The following NUMA1 variants were observed in gnomAD, a reference collection of about 807,000 sequenced individuals.
The protein encoded by NUMA1 is SP-H antigen.
Under a neutral mutation model 237.1 loss-of-function variants are expected in NUMA1, and 62 were observed. That is an observed-to-expected ratio of 0.26 (90% CI 0.21 to 0.32). The LOEUF (loss-of-function observed/expected upper bound fraction) is 0.32. NUMA1 is among the 10% of genes least tolerant of loss of function. The probability of loss-of-function intolerance (pLI) is 1.00; values close to 1 mark genes in which losing one functional copy is unlikely to be tolerated. For missense variants in NUMA1, 2,533 were observed against 2,666.5 expected, an observed-to-expected ratio of 0.95 and a Z score of 1.10; for synonymous variants, 1,028 against 1,066.1, an observed-to-expected ratio of 0.96 and a Z score of 0.70.
At chr11:72,025,703 A>G (rs1270759096) in intron 4 of NUMA1, among the ~76,000 whole-genome samples, 2 of 152,200 alleles carry the variant, frequency 1.3e-5, no homozygotes, top group Admixed American at 1.3e-4. Flanking sequence ...GACATCCTGC[A>G]AGCATAAGCA....
chr11:72,037,518 T>TA (rs1221382894), intron 2 of NUMA1, among the ~76,000 whole-genome samples: 8 of 150,618 alleles, frequency 5.3e-5, no homozygotes, highest in South Asian at 2.1e-4. Context: ...AAAAAAATAA[T>TA]AAAAAAAAAG....
At chr11:72,024,390 GC>G in intron 4 of NUMA1, 37 bp from the exon 5 acceptor site, 1 of 1,575,776 alleles carries the variant, frequency 6.3e-7, no homozygotes, top group Non-Finnish European at 8.7e-7. Flanking sequence ...AGAGTATTCA[GC>G]AATCTTTGCC....
rs1462878121 is a variant in NUMA1 at position 72,009,328 on chromosome 11, C to G, written c.4779G>C (p.Leu1593=). Residue 1593 remains leucine, a synonymous_variant, in exon 18 of 27, where the codon CTG becomes CTC. Transcript: ENST00000393695. ...GGCTCAACTGGGCTTGCAGTTCATT[C>G]AGCTGGGCCTGGAGGCGCTGGGCCT... ...QQEAQRLQAQ[L]NELQAQLSQK... The G allele has an allele frequency of 1.2e-6, 2 of 1,613,472 alleles. No individual in the cohort carries two copies. The highest frequency in any genetic ancestry group is 3.3e-5 in the Admixed American group (2 of 60,016).
chr11:72,015,526 A>T lies in NUMA1; in HGVS notation c.1977T>A (p.Val659=), dbSNP rs1956470694. Residue 659 remains valine, a synonymous_variant, in exon 15 of 27, where the codon GTT becomes GTA. Coordinates refer to ENST00000393695, the MANE Select transcript of NUMA1 (RefSeq NM_006185.4). The surrounding 1 kb of genome is among the most constrained non-coding windows in gnomAD (Gnocchi z 4.0). ...SRKVEELQAC[V]ETARQEQHEA... is the part of the protein sequence containing the mutation. The stretch of plus-strand genomic sequence containing the variant: ...CATGCTGTTCCTGGCGGGCTGTCTC[A>T]ACACAGGCCTGGAGTTCCTCCACCT... 2 of 1,613,258 alleles carry T rather than the reference A, an allele frequency of 1.2e-6. No individual in the cohort carries two copies. Among genetic ancestry groups the T allele is most frequent in the Non-Finnish European group, 1.7e-6 (2 of 1,180,010 alleles).
At chr11:72,049,584 G>T (rs56088339) in intron 2 of NUMA1, 14 of 12,866 alleles carry the variant, frequency 1.1e-3, no homozygotes, top group South Asian at 2.0e-3. Context: ...TATATATATA[G>T]TGTGTGTGTG....
intron 2 of NUMA1, chr11:72,040,604 C>T (rs1448522406): frequency 2.0e-5 from 3 of 152,438 alleles, no homozygotes; most frequent in Non-Finnish European, 2.9e-5. Context: ...CGTGCACACA[C>T]CCACGGCCTC....
intron 15 of NUMA1, 112 bp downstream of exon 15, chr11:72,012,783 G>A (rs1590892355): frequency 1.4e-6 from 2 of 1,437,764 alleles, no homozygotes; most frequent in Non-Finnish European, 1.9e-6. Flanking sequence ...CAGTGAATGA[G>A]GAAAGGCAAG....
At position 72,016,389 on chromosome 11, in the gene NUMA1, T is replaced by A. The variant is rs527932059; in HGVS notation, c.1242+19A>T. On this transcript the variant is annotated intron_variant, in intron 14 of 26. Coordinates refer to ENST00000393695, the MANE Select transcript of NUMA1 (RefSeq NM_006185.4). ...TCCACACCAACCAGCAGCACACAGG[T>A]CTTTCTGTGCATTCCTACCTGCAAG... 6.4e-5 allele frequency: 103 copies of A among 1,612,734 alleles called. No individual in the cohort carries two copies. The African/African-American group carries it at 1.3e-3, about 20-fold the overall frequency.
intron 26 of NUMA1, 106 bp downstream of exon 26, chr11:72,003,781 C>G (rs1955441360): frequency 1.6e-6 from 2 of 1,244,064 alleles, no homozygotes; most frequent in South Asian, 2.5e-5. Flanking sequence ...CCCACACCCT[C>G]CAGCAGCCTG....
At chr11:72,006,792 C>T (rs764299152) in intron 21 of NUMA1, among the ~76,000 whole-genome samples, 2 of 152,244 alleles carry the variant, frequency 1.3e-5, no homozygotes, top group Non-Finnish European at 2.9e-5. Flanking sequence ...TCCCAAACCT[C>T]CCCTTCAAGA....
chr11:72,042,302 T>C (rs1027513490), intron 2 of NUMA1, among the ~76,000 whole-genome samples: 1 of 152,134 alleles, frequency 6.6e-6, no homozygotes, highest in Non-Finnish European at 1.5e-5. Context: ...GGCACTCCTA[T>C]AGGAAACTGT....
chr11:72,037,263 T>A (rs1315558256), intron 2 of NUMA1, among the ~76,000 whole-genome samples: 4 of 152,216 alleles, frequency 2.6e-5, no homozygotes. Flanking sequence ...CCCAGCACTT[T>A]GAGAGACCAA....
rs552246431 is a variant in NUMA1 at position 72,009,420 on chromosome 11, T to C, written c.4720-33A>G. ...GAAAGGCCACTCAGGAAAGCTGGTC[T>C]GGCCGCTCTACCCAAGTCCGCTTAT... is the stretch of plus-strand genomic sequence containing the variant. On this transcript the variant is annotated intron_variant, in intron 17 of 26. Transcript: ENST00000393695. The C allele has an allele frequency of 1.3e-5, 21 of 1,573,986 alleles. No homozygotes were observed. The African/African-American group carries it at 2.3e-4, about 17-fold the overall frequency.
At position 72,013,795 on chromosome 11, in the gene NUMA1, G is replaced by A. The variant is rs1251656951; in HGVS notation, c.3708C>T (p.Ile1236=). ...LISSLEEEVS[I]LNRQVLEKEG... ...CCTTCTCCAGGACCTGGCGATTCAG[G>A]ATGGACACCTCCTCCTCCAAGCTGC... Residue 1236 remains isoleucine, a synonymous_variant, in exon 15 of 27, where the codon ATC becomes ATT. Coordinates refer to ENST00000393695, the MANE Select transcript of NUMA1 (RefSeq NM_006185.4). The surrounding 1 kb of genome is among the most constrained non-coding windows in gnomAD (Gnocchi z 6.8). The A allele has an allele frequency of 6.2e-7, 1 of 1,610,294 alleles. No homozygotes were observed. Among genetic ancestry groups the A allele is most frequent in the Non-Finnish European group, 8.5e-7 (1 of 1,180,008 alleles).
At chr11:72,061,191 C>G (rs1420471603) in intron 2 of NUMA1, among the ~76,000 whole-genome samples, 1 of 152,194 alleles carries the variant, frequency 6.6e-6, no homozygotes, top group East Asian at 1.9e-4. Flanking sequence ...GAGCTATGAT[C>G]ACACCACGGC....
At chr11:72,009,577 C>T (rs1353154871) in intron 17 of NUMA1, among the ~76,000 whole-genome samples, 190 bp from the exon 18 acceptor site, 1 of 152,274 alleles carries the variant, frequency 6.6e-6, no homozygotes, top group African/African-American at 2.4e-5. Flanking sequence ...ACATGCCCTT[C>T]AGTCCACATC....
At chr11:72,003,705 C>T (rs564399699) in intron 26 of NUMA1, 167 bp from the exon 27 acceptor site, 2 of 1,016,926 alleles carry the variant, frequency 2.0e-6, no homozygotes, top group African/African-American at 1.6e-5. Flanking sequence ...GGGTGCTCTC[C>T]ATGAGAATGG....
intron 2 of NUMA1, among the ~76,000 whole-genome samples, chr11:72,056,114 A>C (rs575284939): frequency 6.6e-6 from 1 of 151,864 alleles, no homozygotes; most frequent in Non-Finnish European, 1.5e-5. Flanking sequence ...ATACCAGTTC[A>C]CTCCAGCCTG....
chr11:72,073,139 G>T (rs1455397813), intron 1 of NUMA1, among the ~76,000 whole-genome samples: 1 of 149,690 alleles, frequency 6.7e-6, no homozygotes, highest in Non-Finnish European at 1.5e-5. Flanking sequence ...CAGGAGGATT[G>T]CTTGAGCTCA....
Sources: gnomAD v4.1 joint callset for allele counts (sites outside exome capture counted in the v4.1 genomes callset) on GRCh38, gnomAD v4.1.1 for gene constraint, Gnocchi (gnomAD v3.1) non-coding constraint, MANE v1.5 for transcripts, NCBI Gene and HGNC (gene_info 2026-07-23, HGNC 2026-07-21) for gene names.